Variants in WDR31 observed in about 807,000 individuals in gnomAD.
The protein encoded by WDR31 is WD repeat domain 31.
Under a neutral mutation model 47.3 loss-of-function variants are expected in WDR31, and 30 were observed. The ratio of observed to expected loss-of-function variants is 0.63; its 90% CI spans 0.47 to 0.86. The LOEUF (loss-of-function observed/expected upper bound fraction) is 0.86. Among genes scored for constraint, WDR31 ranks in the 40% least tolerant of loss-of-function variants. The probability of loss-of-function intolerance (pLI) is 0.00; values close to 1 mark genes in which losing one functional copy is unlikely to be tolerated. For missense variants in WDR31, 406 were observed against 442.9 expected (o/e 0.92, Z 0.75); for synonymous variants, 137 against 159.4 (o/e 0.86, Z 1.06).
intron 9 of WDR31, among the ~76,000 whole-genome samples, 196 bp downstream of exon 9, chr9:113,320,161 C>G (rs912623922): frequency 2.0e-5 from 3 of 152,202 alleles, no homozygotes; most frequent in African/African-American, 7.2e-5. Flanking sequence ...CTCAATTAAT[C>G]CTCCCGCCTT....
intron 2 of WDR31, among the ~76,000 whole-genome samples, chr9:113,333,507 C>G (rs916011008): frequency 2.0e-5 from 3 of 150,918 alleles, no homozygotes; most frequent in Admixed American, 6.6e-5. Flanking sequence ...TCAGCCTCCC[C>G]AGTAGCTGGG....
chr9:113,321,410 G>A (rs910123139), intron 8 of WDR31, 101 bp downstream of exon 8: 2 of 1,195,962 alleles, frequency 1.7e-6, no homozygotes, highest in African/African-American at 1.5e-5. Context: ...GCTCTGGGAA[G>A]GGCAGAGCAA....
chr9:113,319,773 G>A (rs915784004), intron 9 of WDR31, among the ~76,000 whole-genome samples: 7 of 152,064 alleles, frequency 4.6e-5, no homozygotes, highest in East Asian at 3.9e-4. Context: ...CTGTGGCCAC[G>A]CCTATAATGG....
chr9:113,318,147 A>G (rs958779268), intron 10 of WDR31, among the ~76,000 whole-genome samples: 3 of 152,228 alleles, frequency 2.0e-5, no homozygotes, highest in Non-Finnish European at 4.4e-5. Flanking sequence ...TGGGGCTTTC[A>G]TTTTAGTCCT....
intron 3 of WDR31, among the ~76,000 whole-genome samples, 166 bp downstream of exon 3, chr9:113,331,741 C>T (rs1422150737): frequency 1.3e-5 from 2 of 152,190 alleles, no homozygotes; most frequent in African/African-American, 4.8e-5. Context: ...GACAGCACAC[C>T]CAGCCCTGAC....
Position 113,318,600 on chromosome 9 carries a change from TC to T in WDR31, c.817del (p.Glu273SerfsTer21). 1 of 1,614,158 alleles carries T rather than the reference TC, an allele frequency of 6.2e-7. No individual in the cohort carries two copies. Among genetic ancestry groups the T allele is most frequent in the Non-Finnish European group, 8.5e-7 (1 of 1,180,022 alleles). On this transcript the variant is annotated frameshift_variant, in exon 10 of 11. Transcript: ENST00000374193. LOFTEE classifies it high-confidence loss of function. ...DLRQTRNRICEYKGHFQTVAS... is the reference protein window; with the variant it reads ...DLRQTRNRICXYKGHFQTVAS... The stretch of plus-strand genomic sequence containing the variant: ...GACAGTCTGGAAATGCCCCTTATAC[TC>T]ACATATTCTGTTTCGAGTCTGTCTT...
At chr9:113,334,195 G>A (rs576354741) in intron 2 of WDR31, among the ~76,000 whole-genome samples, 42 of 151,980 alleles carry the variant, frequency 2.8e-4, no homozygotes, top group African/African-American at 9.6e-4. Flanking sequence ...TTGTAGAGAC[G>A]GGGTTTCGCC....
intron 2 of WDR31, among the ~76,000 whole-genome samples, chr9:113,332,428 T>G (rs1564312618): frequency 6.6e-6 from 1 of 152,180 alleles, no homozygotes; most frequent in Non-Finnish European, 1.5e-5. Context: ...AGAAACATCA[T>G]GTGGTCAATC....
intron 10 of WDR31, 118 bp from the exon 11 acceptor site, chr9:113,317,027 G>C: frequency 1.7e-6 from 2 of 1,202,064 alleles, no homozygotes. Context: ...ACCCGTATGA[G>C]AGAGACCCCA....
At chr9:113,319,371 A>AC (rs1339267067) in intron 9 of WDR31, among the ~76,000 whole-genome samples, 2 of 152,172 alleles carry the variant, frequency 1.3e-5, no homozygotes, top group East Asian at 1.9e-4. Context: ...AGGCTGCAAC[A>AC]CCCCAATCTA....
intron 5 of WDR31, among the ~76,000 whole-genome samples, chr9:113,326,138 T>C (rs1284569099): frequency 6.6e-6 from 1 of 152,234 alleles, no homozygotes; most frequent in Non-Finnish European, 1.5e-5. Flanking sequence ...CTTGAATTCC[T>C]GACCTCAGGT....
chr9:113,336,016 A>C (rs1463856345), intron 2 of WDR31, among the ~76,000 whole-genome samples: 1 of 152,198 alleles, frequency 6.6e-6, no homozygotes, highest in Admixed American at 6.5e-5. Flanking sequence ...TGAGAGGCAA[A>C]ATTCAGGATA....
intron 8 of WDR31, among the ~76,000 whole-genome samples, chr9:113,321,282 C>G (rs1833320146): frequency 6.6e-6 from 1 of 152,212 alleles, no homozygotes; most frequent in Non-Finnish European, 1.5e-5. Context: ...TGCTTTGGAA[C>G]CATCCAAAAC....
intron 1 of WDR31, among the ~76,000 whole-genome samples, chr9:113,339,202 G>C (rs966431419): frequency 2.6e-5 from 4 of 152,124 alleles, no homozygotes; most frequent in Middle Eastern, 3.2e-3. Flanking sequence ...TAAACAGAAA[G>C]CAGAGAATTC....
At chr9:113,317,374 A>G (rs2118765495) in intron 10 of WDR31, among the ~76,000 whole-genome samples, 1 of 152,248 alleles carries the variant, frequency 6.6e-6, no homozygotes. Context: ...CTTAGAGGCC[A>G]CTCTTCTAAA....
chr9:113,324,828 A>ATATG lies in WDR31; in HGVS notation c.325-1674_325-1673insCATA, dbSNP rs1215834432. 5.7e-3 allele frequency among the ~76,000 whole-genome samples: 781 copies of ATATG among 138,132 alleles called. 9 individuals carry two copies. Among genetic ancestry groups the ATATG allele is most frequent in the African/African-American group, 0.02 (721 of 36,924 alleles). The allele number at this position is 138,132 out of a possible 152,430, so 90.6% of individuals were successfully genotyped here. On this transcript the variant is annotated intron_variant, in intron 5 of 10. Transcript: ENST00000374193. ...ATAAACAATGCTGCTATATATATAT[A>ATATG]TGTGTGTGTGTGTGTGTGTGTGTGT...
intron 9 of WDR31, among the ~76,000 whole-genome samples, chr9:113,319,814 C>T (rs1833285454): frequency 6.6e-6 from 1 of 152,198 alleles, no homozygotes; most frequent in Admixed American, 6.5e-5. Flanking sequence ...ACAGTCCCTC[C>T]CCTCTCTAAG....
chr9:113,316,117 C>G lies in WDR31; in HGVS notation c.*632G>C, dbSNP rs1440652808. ...AGCCATCTCAGGTCTGATTTTCACA[C>G]AAGCTCAGCAGCACTGGGCTAGAAG... On this transcript the variant is annotated 3_prime_UTR_variant, in exon 11 of 11. Transcript: ENST00000374193. 1.3e-5 allele frequency: 2 copies of G among 152,258 alleles called. No homozygotes were observed. Among genetic ancestry groups the G allele is most frequent in the African/African-American group, 2.4e-5 (1 of 41,470 alleles). The allele number at this position is 152,258 out of a possible 1,614,324, so 9.4% of individuals were successfully genotyped here.
intron 2 of WDR31, among the ~76,000 whole-genome samples, chr9:113,332,488 ATAC>A (rs1438623133): frequency 6.6e-6 from 1 of 152,244 alleles, no homozygotes; most frequent in East Asian, 1.9e-4. Flanking sequence ...GTACTCGTAC[ATAC>A]TACAACATGG....
Sources: allele counts gnomAD v4.1 joint callset (sites outside exome capture counted in the v4.1 genomes callset), GRCh38; gene constraint gnomAD v4.1.1; transcripts MANE v1.5; gene names NCBI Gene and HGNC (gene_info 2026-07-23, HGNC 2026-07-21).